Variants in TECRL observed in about 807,000 individuals in gnomAD.
TECRL encodes trans-2,3-enoyl-CoA reductase-like.
In TECRL, 63 loss-of-function variants were observed where a neutral mutation model predicts 52.8. That is an observed-to-expected ratio of 1.19 (90% confidence interval 0.97 to 1.47). The LOEUF is 1.47. Ranked by LOEUF, TECRL falls within the 40% of genes most tolerant of loss-of-function variation. TECRL has a pLI of 0.00. For synonymous variants in TECRL, 164 were observed against 141.9 expected, an observed-to-expected ratio of 1.16 and a Z score of -1.10; for missense variants, 482 against 429.6, an observed-to-expected ratio of 1.12 and a Z score of -1.08.
chr4:64,329,473 C>T (rs1214573928), intron 2 of TECRL, among the ~76,000 whole-genome samples: 2 of 151,362 alleles, frequency 1.3e-5, no homozygotes, highest in Admixed American at 6.6e-5. Context: ...TAATATATTA[C>T]TAGTTGAAAG....
At chr4:64,374,257 T>C (rs1722215344) in intron 2 of TECRL, among the ~76,000 whole-genome samples, 2 of 150,844 alleles carry the variant, frequency 1.3e-5, no homozygotes, top group Admixed American at 1.3e-4. Context: ...AGGCTTTCCA[T>C]TTCATTACGA....
At chr4:64,397,164 AG>A (rs1724013642) in intron 1 of TECRL, among the ~76,000 whole-genome samples, 1 of 152,150 alleles carries the variant, frequency 6.6e-6, no homozygotes, top group African/African-American at 2.4e-5. Context: ...GCACATTTTC[AG>A]GTTTCTATGT....
chr4:64,348,567 C>T (rs992786219), intron 2 of TECRL, among the ~76,000 whole-genome samples: 4 of 152,018 alleles, frequency 2.6e-5, no homozygotes, highest in African/African-American at 7.2e-5. Context: ...TTCTTTTTTC[C>T]GGTGCTGTCA....
intron 1 of TECRL, among the ~76,000 whole-genome samples, chr4:64,406,883 A>T (rs1028246849): frequency 6.6e-6 from 1 of 152,002 alleles, no homozygotes; most frequent in African/African-American, 2.4e-5. Flanking sequence ...GGTACAATGA[A>T]AGGCACTTAA....
chr4:64,337,445 A>G (rs1719186496), intron 2 of TECRL, among the ~76,000 whole-genome samples: 1 of 152,126 alleles, frequency 6.6e-6, no homozygotes, highest in Admixed American at 6.5e-5. Context: ...GGCAGGAGAA[A>G]GAAATAAAGG....
At chr4:64,386,627 T>C (rs1010208579) in intron 1 of TECRL, among the ~76,000 whole-genome samples, 5 of 152,214 alleles carry the variant, frequency 3.3e-5, no homozygotes, top group East Asian at 1.9e-4. Flanking sequence ...TTAAGCTCTA[T>C]TTTTATGACA....
chr4:64,337,433 T>C (rs371959729), intron 2 of TECRL, among the ~76,000 whole-genome samples: 8 of 152,160 alleles, frequency 5.3e-5, no homozygotes, highest in African/African-American at 1.2e-4. Context: ...CCAGGGCAAT[T>C]AGGCAGGAGA....
chr4:64,339,488 T>G (rs1405149777), intron 2 of TECRL, among the ~76,000 whole-genome samples: 1 of 152,034 alleles, frequency 6.6e-6, no homozygotes, highest in Non-Finnish European at 1.5e-5. Flanking sequence ...TCCATTTTCC[T>G]TGTGGAATGC....
intron 1 of TECRL, among the ~76,000 whole-genome samples, chr4:64,399,444 TA>T (rs1338320821): frequency 1.3e-5 from 2 of 152,164 alleles, no homozygotes; most frequent in Non-Finnish European, 2.9e-5. Context: ...AACCACTTGC[TA>T]GAGAAATTTG....
In TECRL at chr4:64,279,685, C is replaced by T. The variant is rs1197863683; in HGVS notation, c.*387G>A. On this transcript the variant is annotated 3_prime_UTR_variant, in exon 12 of 12. Transcript: ENST00000381210. Reference sequence around the variant, plus strand: ...TAATGTTGAGCATTTTAAAAATATACTTATTGACCATGTATATGTCTTCCT... The same window carrying T: ...TAATGTTGAGCATTTTAAAAATATATTTATTGACCATGTATATGTCTTCCT... 1.6e-6 allele frequency: 1 copy of T among 622,028 alleles called. No individual in the cohort carries two copies. Among genetic ancestry groups the T allele is most frequent in the Non-Finnish European group, 2.0e-6 (1 of 498,480 alleles). 38.5% of individuals were successfully genotyped at this position (622,028 alleles called of 1,614,324 possible). A position where few individuals can be genotyped will look rare whatever the true frequency, so the allele number is the denominator to read the frequency against.
intron 5 of TECRL, among the ~76,000 whole-genome samples, chr4:64,312,110 G>T (rs1305155677): frequency 6.6e-6 from 1 of 152,062 alleles, no homozygotes. Context: ...GTGGTGGTTC[G>T]GTCACATATA....
At chr4:64,406,262 A>G (rs1724721270) in intron 1 of TECRL, among the ~76,000 whole-genome samples, 1 of 151,842 alleles carries the variant, frequency 6.6e-6, no homozygotes, top group Admixed American at 6.6e-5. Flanking sequence ...TATCTCATGA[A>G]TATTTTGAGT....
At chr4:64,318,618 A>T (rs1717674001) in intron 4 of TECRL, among the ~76,000 whole-genome samples, 1 of 152,078 alleles carries the variant, frequency 6.6e-6, no homozygotes, top group African/African-American at 2.4e-5. Context: ...CAAAGGAGTA[A>T]AGCTGACTTT....
chr4:64,356,567 G>T (rs1011735457), intron 2 of TECRL, among the ~76,000 whole-genome samples: 1 of 152,118 alleles, frequency 6.6e-6, no homozygotes, highest in African/African-American at 2.4e-5. Context: ...TCCAGGCATA[G>T]TACCTCCCCT....
chr4:64,319,017 C>G (rs1717703405), intron 4 of TECRL, among the ~76,000 whole-genome samples: 2 of 151,712 alleles, frequency 1.3e-5, no homozygotes, highest in African/African-American at 4.8e-5. Context: ...TAAAGTCATT[C>G]AATGTCATAT....
chr4:64,350,775 G>A (rs893933211), intron 2 of TECRL, among the ~76,000 whole-genome samples: 1 of 151,688 alleles, frequency 6.6e-6, no homozygotes, highest in Non-Finnish European at 1.5e-5. Flanking sequence ...CCATCAGGAC[G>A]TGCCAAGCCT....
chr4:64,284,444 C>T (rs1250578116), intron 9 of TECRL, among the ~76,000 whole-genome samples: 1 of 147,578 alleles, frequency 6.8e-6, no homozygotes, highest in Non-Finnish European at 1.5e-5. Context: ...ATAGGATGCA[C>T]CACTTTTCAA....
chr4:64,305,551 A>G (rs1212855560), intron 6 of TECRL, among the ~76,000 whole-genome samples: 1 of 152,160 alleles, frequency 6.6e-6, no homozygotes, highest in Non-Finnish European at 1.5e-5. Context: ...AGTTAGCAGG[A>G]CAAAATATGG....
intron 8 of TECRL, among the ~76,000 whole-genome samples, chr4:64,291,196 A>AT (rs1723364034): frequency 6.6e-6 from 1 of 152,058 alleles, no homozygotes; most frequent in Non-Finnish European, 1.5e-5. Flanking sequence ...ATTCATGACA[A>AT]TTGAGTAAAG....
Sources: gnomAD v4.1 joint callset for allele counts (sites outside exome capture counted in the v4.1 genomes callset) on GRCh38, gnomAD v4.1.1 for gene constraint, MANE v1.5 for transcripts, NCBI Gene and HGNC (gene_info 2026-07-23, HGNC 2026-07-21) for gene names.